RERE: variants seen among roughly 807,000 people sequenced by gnomAD.
RERE encodes the protein arginine-glutamic acid dipeptide repeats, also known as arginine-glutamic acid dipeptide repeats protein.
In RERE, 40 loss-of-function variants were observed where a neutral mutation model predicts 146.1. The ratio of observed to expected loss-of-function variants is 0.27; its 90% CI spans 0.21 to 0.36. RERE has a LOEUF of 0.36. Ranked by LOEUF, RERE falls within the 10% of genes least tolerant of loss-of-function variation. The pLI is 1.00. For synonymous variants in RERE, 1,003 were observed against 866.0 expected (o/e 1.16, Z -2.78); for missense variants, 1,933 against 2,138.7 (o/e 0.90, Z 1.90).
At position 8,817,542 on chromosome 1, in the gene RERE, G is replaced by A. The variant is rs1480936022; in HGVS notation, c.-527C>T. On this transcript the variant is annotated 5_prime_UTR_variant, in exon 1 of 23. Coordinates refer to ENST00000400908, the MANE Select transcript of RERE (RefSeq NM_001042681.2). ...GGGAGCGAGAGAGGGGAAAAGGACG[G>A]GGGAGGAGGCGGGGACCGAGGCCCA... 4 of 151,624 alleles carry A rather than the reference G, an allele frequency of 2.6e-5. No individual in the cohort carries two copies. The highest frequency in any genetic ancestry group is 2.0e-4 in the Admixed American group (3 of 15,254). 9.4% of individuals were successfully genotyped at this position (151,624 alleles called of 1,614,324 possible). A position where few individuals can be genotyped will look rare whatever the true frequency, so the allele number is the denominator to read the frequency against.
chr1:8,753,433 A>G (rs1640577824), intron 1 of RERE: 1 of 152,208 alleles, frequency 6.6e-6, no homozygotes, highest in South Asian at 2.1e-4. Context: ...TCACTTACCT[A>G]TTTTGACATT....
intron 9 of RERE, among the ~76,000 whole-genome samples, chr1:8,497,098 A>G (rs1215864725): frequency 6.6e-6 from 1 of 152,164 alleles, no homozygotes; most frequent in African/African-American, 2.4e-5. Flanking sequence ...TGAAGTACTC[A>G]ACTGGATTGA....
intron 4 of RERE, chr1:8,590,942 G>C (rs151208296): frequency 1.3e-5 from 2 of 152,216 alleles, no homozygotes; most frequent in Admixed American, 6.5e-5. Context: ...TGAGTAGAAA[G>C]AGTCTGCAAA....
intron 11 of RERE, among the ~76,000 whole-genome samples, chr1:8,457,279 A>G (rs1392337676): frequency 6.6e-6 from 1 of 152,176 alleles, no homozygotes; most frequent in Admixed American, 6.5e-5. Context: ...GGTGAGGCCA[A>G]TATCAGGCAC....
At chr1:8,700,304 CA>C (rs201895468) in intron 1 of RERE, among the ~76,000 whole-genome samples, 3 of 150,378 alleles carry the variant, frequency 2.0e-5, no homozygotes, top group East Asian at 3.9e-4. Context: ...GACTCCAACT[CA>C]AAAAAAATAA....
At chr1:8,649,696 C>T (rs1647509546) in intron 2 of RERE, among the ~76,000 whole-genome samples, 1 of 149,364 alleles carries the variant, frequency 6.7e-6, no homozygotes, top group Non-Finnish European at 1.5e-5. Context: ...CACCACTGCA[C>T]TCCAGCCTGC....
At chr1:8,677,425 CAAAAAAAAAAAAAAAGAAAGAAAGAAAAG>C (rs1304896086) in intron 1 of RERE, among the ~76,000 whole-genome samples, 2 of 93,748 alleles carry the variant, frequency 2.1e-5, no homozygotes, top group African/African-American at 8.0e-5. Flanking sequence ...GTCTCCGTCT[CAAAAAAAAAAAAAAAGAAAGAAAGAAAAG>C]AAAAAAAAAA....
chr1:8,797,215 A>G (rs1211854246), intron 1 of RERE, among the ~76,000 whole-genome samples: 3 of 152,182 alleles, frequency 2.0e-5, no homozygotes, highest in African/African-American at 7.2e-5. Context: ...AAAAAAATTA[A>G]AAGTTGTTTT....
intron 12 of RERE, among the ~76,000 whole-genome samples, chr1:8,386,501 A>C (rs1412344847): frequency 6.9e-6 from 1 of 144,172 alleles, no homozygotes; most frequent in Non-Finnish European, 1.5e-5. Context: ...ACAGAATCCC[A>C]AACAGCCAGA....
intron 11 of RERE, among the ~76,000 whole-genome samples, chr1:8,432,979 G>A (rs1644115517): frequency 6.6e-6 from 1 of 152,140 alleles, no homozygotes. Context: ...TTAAAGGAAA[G>A]TTTACATATA....
intron 12 of RERE, among the ~76,000 whole-genome samples, chr1:8,408,751 A>G (rs1487803709): frequency 1.3e-5 from 2 of 152,232 alleles, no homozygotes; most frequent in African/African-American, 4.8e-5. Context: ...TTTTGTTACA[A>G]GCAATGCACT....
Position 8,355,200 on chromosome 1 carries a change from C to CA in RERE, c.4668-81dup, listed in dbSNP as rs201139602. ...CGCAGGCTGGAGGCAACCCCAAAGA[C>CA]AACAGCCAGGCAATCCAACCCCAAG... On this transcript the variant is annotated intron_variant, in intron 22 of 22. Transcript: ENST00000400908. The CA allele has an allele frequency of 1.7e-3, 2,532 of 1,472,714 alleles. 33 individuals carry two copies. In the African/African-American group the frequency reaches 0.03, roughly 18 times the overall value. 91.2% of individuals were successfully genotyped at this position (1,472,714 alleles called of 1,614,324 possible).
intron 8 of RERE, among the ~76,000 whole-genome samples, chr1:8,499,552 A>G (rs939173525): frequency 2.0e-5 from 3 of 152,184 alleles, no homozygotes; most frequent in Non-Finnish European, 4.4e-5. Flanking sequence ...AAATCTTCAC[A>G]TTTATGTAAA....
intron 1 of RERE, among the ~76,000 whole-genome samples, chr1:8,794,934 T>A (rs1641438588): frequency 6.6e-6 from 1 of 151,934 alleles, no homozygotes; most frequent in South Asian, 2.1e-4. Flanking sequence ...CATCTCAGCC[T>A]CCCAAGTAGC....
chr1:8,584,068 C>T (rs1646399010), intron 4 of RERE, among the ~76,000 whole-genome samples: 1 of 151,822 alleles, frequency 6.6e-6, no homozygotes, highest in East Asian at 1.9e-4. Flanking sequence ...TAACAAAAAT[C>T]AGAAACAAGA....
intron 1 of RERE, among the ~76,000 whole-genome samples, chr1:8,783,284 G>A (rs1641200919): frequency 6.6e-6 from 1 of 151,976 alleles, no homozygotes; most frequent in Non-Finnish European, 1.5e-5. Context: ...GCAGTGAGCC[G>A]TGTTCACACC....
chr1:8,583,780 G>C (rs1252879260), intron 4 of RERE, among the ~76,000 whole-genome samples: 1 of 151,996 alleles, frequency 6.6e-6, no homozygotes, highest in Non-Finnish European at 1.5e-5. Flanking sequence ...ACAGCAAGCT[G>C]CCATTTTTTT....
At chr1:8,442,597 A>G (rs1368841669) in intron 11 of RERE, among the ~76,000 whole-genome samples, 6 of 152,134 alleles carry the variant, frequency 3.9e-5, no homozygotes, top group Non-Finnish European at 8.8e-5. Flanking sequence ...AAATCACCCA[A>G]TCTCTGGTGT....
chr1:8,692,549 A>G (rs1639229173), intron 1 of RERE, among the ~76,000 whole-genome samples: 1 of 152,024 alleles, frequency 6.6e-6, no homozygotes. Context: ...GGGTTTCACT[A>G]TAATGGCCAG....
Sources: allele counts gnomAD v4.1 joint callset (sites outside exome capture counted in the v4.1 genomes callset), GRCh38; gene constraint gnomAD v4.1.1; transcripts MANE v1.5; gene names NCBI Gene and HGNC (gene_info 2026-07-23, HGNC 2026-07-21).